Variants in SPAG16 observed in about 807,000 individuals in gnomAD.
SPAG16 encodes sperm-associated antigen 16 protein.
SPAG16 carries 86 observed loss-of-function variants against 80.4 expected under a neutral mutation model. The observed-to-expected ratio is 1.07, with a 90% CI of 0.90 to 1.28. The LOEUF (loss-of-function observed/expected upper bound fraction) is 1.28. SPAG16 is among the 50% of genes most tolerant of loss of function. The probability of loss-of-function intolerance (pLI) is 0.00; values close to 1 mark genes in which losing one functional copy is unlikely to be tolerated. For missense variants in SPAG16, 870 were observed against 765.3 expected (o/e 1.14, Z -1.61); for synonymous variants, 294 against 265.9 (o/e 1.11, Z -1.03).
intron 10 of SPAG16, among the ~76,000 whole-genome samples, chr2:213,549,173 A>G (rs967553977): frequency 1.6e-4 from 25 of 152,116 alleles, no homozygotes; most frequent in African/African-American, 5.8e-4. Context: ...TTCTGTTTTA[A>G]AATGTTATTC....
chr2:213,655,084 A>G (rs2063172528), intron 10 of SPAG16, among the ~76,000 whole-genome samples: 1 of 152,196 alleles, frequency 6.6e-6, no homozygotes, highest in Non-Finnish European at 1.5e-5. Context: ...AACCCATAGA[A>G]TGCATAACAC....
Position 213,340,271 on chromosome 2 carries a change from G to A in SPAG16, c.644+1G>A, listed in dbSNP as rs1209012954. 1.3e-6 allele frequency: 2 copies of A among 1,560,744 alleles called. No individual in the cohort carries two copies. The highest frequency in any genetic ancestry group is 1.7e-5 in the Admixed American group (1 of 58,408). ...ACAAATTAATTAATGACCTCAAAGGGTAAGCTTATACTTGTTGGCATATTT... is the reference window on the plus strand; with the variant it reads ...ACAAATTAATTAATGACCTCAAAGGATAAGCTTATACTTGTTGGCATATTT... On this transcript the variant is annotated splice_donor_variant, in intron 6 of 15. Transcript: ENST00000331683. LOFTEE classifies it high-confidence loss of function.
chr2:213,409,262 T>C (rs755510246), intron 9 of SPAG16, among the ~76,000 whole-genome samples: 5 of 152,186 alleles, frequency 3.3e-5, no homozygotes, highest in Non-Finnish European at 5.9e-5. Flanking sequence ...CTAGGCCTCC[T>C]GAATGTAAAA....
intron 10 of SPAG16, among the ~76,000 whole-genome samples, chr2:213,813,051 C>T (rs186283497): frequency 6.6e-6 from 1 of 152,236 alleles, no homozygotes; most frequent in African/African-American, 2.4e-5. Context: ...TTGAGAAGTT[C>T]TGCTTCACTT....
chr2:214,026,980 T>C (rs1438267917), intron 13 of SPAG16, among the ~76,000 whole-genome samples: 3 of 151,646 alleles, frequency 2.0e-5, no homozygotes, highest in Non-Finnish European at 4.4e-5. Context: ...TGTATATCTT[T>C]TGACTTTGTA....
intron 5 of SPAG16, among the ~76,000 whole-genome samples, chr2:213,335,285 T>A (rs1303377269): frequency 6.6e-6 from 1 of 152,160 alleles, no homozygotes; most frequent in East Asian, 1.9e-4. Context: ...ATCTACAATC[T>A]AAAAATTGGA....
At chr2:213,289,628 A>C (rs914892014) in intron 1 of SPAG16, among the ~76,000 whole-genome samples, 3 of 152,250 alleles carry the variant, frequency 2.0e-5, no homozygotes, top group African/African-American at 7.2e-5. Flanking sequence ...AAAGGGACCA[A>C]GACTATGATA....
In SPAG16 at chr2:213,870,158, G is replaced by A. The variant is rs529315126; in HGVS notation, c.1214+7530G>A. Among the ~76,000 whole-genome samples, 11 of 152,216 alleles carry A rather than the reference G, an allele frequency of 7.2e-5. 2 individuals carry two copies. In the South Asian group the frequency reaches 2.1e-3, roughly 29 times the overall value. On this transcript the variant is annotated intron_variant, in intron 11 of 15. Transcript: ENST00000331683. ...AATGTGAATGAAAGTCACATTTTCA[G>A]CTGTTGCACATTGAAGAGCAAAGTT... is the stretch of plus-strand genomic sequence containing the variant.
intron 9 of SPAG16, among the ~76,000 whole-genome samples, chr2:213,381,565 A>G (rs573216566): frequency 6.6e-6 from 1 of 152,330 alleles, no homozygotes; most frequent in South Asian, 2.1e-4. Context: ...CTTTAACACA[A>G]GGCTACATGA....
intron 9 of SPAG16, among the ~76,000 whole-genome samples, chr2:213,448,417 T>G (rs1041541909): frequency 7.2e-5 from 11 of 152,292 alleles, no homozygotes; most frequent in Non-Finnish European, 1.5e-4. Flanking sequence ...TGGAAGAAAG[T>G]CTTTCTGGAC....
chr2:213,851,503 C>G (rs990336502), intron 10 of SPAG16, among the ~76,000 whole-genome samples: 1 of 152,082 alleles, frequency 6.6e-6, no homozygotes, highest in African/African-American at 2.4e-5. Flanking sequence ...GCGAGACTCC[C>G]TCTTAAAATA....
At chr2:213,610,181 A>G (rs1389274045) in intron 10 of SPAG16, among the ~76,000 whole-genome samples, 1 of 152,158 alleles carries the variant, frequency 6.6e-6, no homozygotes, top group African/African-American at 2.4e-5. Context: ...AAATCAAAGT[A>G]TTTCACTGCA....
In SPAG16 at chr2:213,730,353, A is replaced by G. The variant is rs551431934; in HGVS notation, c.1071-132132A>G. On this transcript the variant is annotated intron_variant, in intron 10 of 15. Coordinates refer to ENST00000331683, the MANE Select transcript of SPAG16 (RefSeq NM_024532.5). The stretch of plus-strand genomic sequence containing the variant: ...TGGGATCAAAATACAATTATAGGGA[A>G]ATCAGTAGCATATTTTTACCATAAG... Among the ~76,000 whole-genome samples the G allele has an allele frequency of 7.2e-5, 11 of 152,290 alleles. No homozygotes were observed. The South Asian group carries it at 2.1e-3, about 29-fold the overall frequency.
chr2:213,754,146 A>G (rs1242765056), intron 10 of SPAG16, among the ~76,000 whole-genome samples: 1 of 152,224 alleles, frequency 6.6e-6, no homozygotes, highest in Non-Finnish European at 1.5e-5. Flanking sequence ...AATCTCTGTG[A>G]ACCTCCCTGA....
At chr2:214,265,901 A>T (rs1351042811) in intron 15 of SPAG16, among the ~76,000 whole-genome samples, 1 of 151,972 alleles carries the variant, frequency 6.6e-6, no homozygotes, top group Non-Finnish European at 1.5e-5. Context: ...TGTTTGATCC[A>T]TTATTCTAAT....
At chr2:214,244,394 G>GA (rs5838420) in intron 15 of SPAG16, among the ~76,000 whole-genome samples, 1,354 of 123,968 alleles carry the variant, frequency 0.011, 15 homozygotes, top group South Asian at 0.038. Context: ...CTGAAGTTCC[G>GA]AAAAAAAAAA....
chr2:214,266,455 T>C (rs1325294176), intron 15 of SPAG16, among the ~76,000 whole-genome samples: 1 of 151,782 alleles, frequency 6.6e-6, no homozygotes, highest in East Asian at 1.9e-4. Flanking sequence ...ACAAATTAGA[T>C]ATAGAATGAA....
chr2:213,382,928 T>G (rs763935574), intron 9 of SPAG16, among the ~76,000 whole-genome samples: 11 of 152,126 alleles, frequency 7.2e-5, no homozygotes, highest in Non-Finnish European at 1.5e-4. Flanking sequence ...CAATTTGGAT[T>G]AACTACCATC....
chr2:213,320,484 T>C (rs962759606), intron 5 of SPAG16, among the ~76,000 whole-genome samples: 7 of 151,948 alleles, frequency 4.6e-5, no homozygotes, highest in Non-Finnish European at 7.4e-5. Context: ...TACTGTGATA[T>C]TGAACACTAG....
Sources: allele counts gnomAD v4.1 joint callset (sites outside exome capture counted in the v4.1 genomes callset), GRCh38; gene constraint gnomAD v4.1.1; transcripts MANE v1.5; gene names NCBI Gene and HGNC (gene_info 2026-07-23, HGNC 2026-07-21).